PADI2: variants seen among roughly 807,000 people sequenced by gnomAD.
PADI2 encodes peptidyl arginine deiminase 2.
Under a neutral mutation model 81.1 loss-of-function variants are expected in PADI2, and 70 were observed. The observed-to-expected ratio is 0.86, with a 90% confidence interval of 0.71 to 1.05. The LOEUF (loss-of-function observed/expected upper bound fraction) is 1.05, where lower values mean the gene tolerates loss of function less well. PADI2 is among the 50% of genes least tolerant of loss of function. PADI2 has a pLI of 0.00. For missense variants in PADI2, 853 were observed against 889.9 expected (o/e 0.96, Z 0.53); for synonymous variants, 338 against 358.0 (o/e 0.94, Z 0.63).
intron 1 of PADI2, among the ~76,000 whole-genome samples, chr1:17,106,778 A>AGAGGAGGAGGAG (rs3036927): frequency 6.7e-6 from 1 of 149,838 alleles, no homozygotes; most frequent in Non-Finnish European, 1.5e-5. Context: ...GAAAGATGAG[A>AGAGGAGGAGGAG]GAGGAGGAGG....
Position 17,114,587 on chromosome 1 carries a change from C to T in PADI2, c.92+4693G>A, listed in dbSNP as rs1931698158. Among the ~76,000 whole-genome samples, 4 of 151,458 alleles carry T rather than the reference C, an allele frequency of 2.6e-5. No homozygotes were observed. In the South Asian group the frequency reaches 8.3e-4, roughly 31 times the overall value. ...ATGAGCATGCAAAGTGTTGAGAAGC[C>T]TGCACAAAATAAGTGTTCAATAAAT... On this transcript the variant is annotated intron_variant, in intron 1 of 15. Transcript: ENST00000375486.
At chr1:17,099,924 G>A (rs1931080850) in intron 3 of PADI2, among the ~76,000 whole-genome samples, 1 of 152,182 alleles carries the variant, frequency 6.6e-6, no homozygotes, top group Non-Finnish European at 1.5e-5. Flanking sequence ...GCTTACTTCT[G>A]TCTACCCAGA....
chr1:17,074,150 G>C (rs576493416), intron 13 of PADI2, among the ~76,000 whole-genome samples: 133 of 152,232 alleles, frequency 8.7e-4, no homozygotes, highest in African/African-American at 3.1e-3. Flanking sequence ...CCAGCACTTT[G>C]GGAGGCTGAG....
intron 6 of PADI2, among the ~76,000 whole-genome samples, chr1:17,091,013 C>G (rs1182185010): frequency 6.6e-6 from 1 of 151,984 alleles, no homozygotes; most frequent in Non-Finnish European, 1.5e-5. Context: ...ACAACCCTGG[C>G]CTGGATGGTG....
At chr1:17,089,506 C>A (rs1420742294) in intron 6 of PADI2, among the ~76,000 whole-genome samples, 1 of 152,222 alleles carries the variant, frequency 6.6e-6, no homozygotes, top group Non-Finnish European at 1.5e-5. Context: ...GGGGTAGGAA[C>A]AGGGATCTGG....
chr1:17,075,089 G>A, intron 12 of PADI2, 140 bp from the exon 13 acceptor site: 2 of 558,842 alleles, frequency 3.6e-6, no homozygotes, highest in East Asian at 6.2e-5. Context: ...GGCTGACGGG[G>A]AGGGTGTTCT....
intron 11 of PADI2, among the ~76,000 whole-genome samples, chr1:17,076,107 T>C (rs1205024185): frequency 6.6e-6 from 1 of 152,198 alleles, no homozygotes; most frequent in Non-Finnish European, 1.5e-5. Context: ...CTACCTTTTG[T>C]GTGCGGGAGT....
In PADI2 at chr1:17,086,526, C is replaced by T. The variant is rs202113399; in HGVS notation, c.829G>A (p.Ala277Thr). 19 of 1,612,490 alleles carry T rather than the reference C, an allele frequency of 1.2e-5. No individual in the cohort carries two copies. The East Asian group carries it at 3.6e-4, about 30-fold the overall frequency. The change falls in exon 7 of 16, where the codon GCC (alanine) becomes ACC (threonine). Residue 277 changes from alanine (A) to threonine (T), a missense_variant. By Grantham distance (58) the Ala-to-Thr change is moderately conservative. Transcript: ENST00000375486. ...TGGAGGCCTGGAGCCCTCACCTGGG[C>T]CATGTACTCCAGCAGGCTGACATGG... is the stretch of plus-strand genomic sequence containing the variant. ...SIHVSLLEYM[A>T]QDIPLTPIFT...
intron 9 of PADI2, 94 bp from the exon 10 acceptor site, chr1:17,082,746 G>A (rs2235925): frequency 0.36 from 263,983 of 732,616 alleles, 50,039 homozygotes; most frequent in East Asian, 0.57. Flanking sequence ...CACAAAGGAA[G>A]AAGAACGTCT....
chr1:17,089,160 G>A (rs2235924), intron 6 of PADI2, among the ~76,000 whole-genome samples: 49,232 of 151,934 alleles, frequency 0.32, 8,588 homozygotes, highest in East Asian at 0.59. Context: ...GGGAAACCAC[G>A]TCCCACCTCA....
At chr1:17,075,868 C>T (rs915410885) in intron 11 of PADI2, 45 bp from the exon 12 acceptor site, 1 of 1,590,586 alleles carries the variant, frequency 6.3e-7, no homozygotes, top group African/African-American at 1.3e-5. Context: ...ACCCACCGCA[C>T]CAGAGGGCCT....
At chr1:17,103,203 A>G (rs904562004) in intron 2 of PADI2, 144 bp from the exon 3 acceptor site, 11 of 652,076 alleles carry the variant, frequency 1.7e-5, no homozygotes, top group African/African-American at 1.6e-4. Context: ...TCCTCCAGGA[A>G]GAACTCCTGG....
intron 3 of PADI2, among the ~76,000 whole-genome samples, chr1:17,102,750 T>TGG (rs202072575): frequency 1.6e-5 from 1 of 62,270 alleles, no homozygotes; most frequent in African/African-American, 4.8e-5. Flanking sequence ...ACCTTGACAC[T>TGG]TGGGGGGGGG....
intron 1 of PADI2, among the ~76,000 whole-genome samples, chr1:17,108,527 G>A (rs969853494): frequency 6.6e-6 from 1 of 152,036 alleles, no homozygotes; most frequent in Non-Finnish European, 1.5e-5. Context: ...TGAGGGCATG[G>A]TCCGGCCTCT....
chr1:17,076,352 C>T (rs984837170), intron 11 of PADI2, among the ~76,000 whole-genome samples: 1 of 152,078 alleles, frequency 6.6e-6, no homozygotes, highest in Non-Finnish European at 1.5e-5. Context: ...GTAGCTGGGA[C>T]TACAGGCGTG....
chr1:17,093,498 A>G, intron 5 of PADI2, 69 bp downstream of exon 5: 1 of 1,028,318 alleles, frequency 9.7e-7, no homozygotes, highest in South Asian at 1.4e-5. Context: ...CCCTCAGCCC[A>G]GCCCAGGACT....
Position 17,092,415 on chromosome 1 carries a change from G to C in PADI2, c.648C>G (p.Tyr216Ter). 1 of 1,605,516 alleles carries C rather than the reference G, an allele frequency of 6.2e-7. No homozygotes were observed. The highest frequency in any genetic ancestry group is 8.5e-7 in the Non-Finnish European group (1 of 1,176,378). Residue 216 changes from tyrosine to a stop codon, truncating the protein, a stop_gained, in exon 6 of 16, where the codon TAC (tyrosine) becomes TAG (stop). Coordinates refer to ENST00000375486, the MANE Select transcript of PADI2 (RefSeq NM_007365.3). LOFTEE classifies it high-confidence loss of function. ...MSDSDKVGVF[Y>*]VENPFFGQRY... ...TGGGCTGGGATCACTCACTCTCCAC[G>C]TAGAACACGCCCACTTTGTCTGAGT...
intron 9 of PADI2, chr1:17,083,259 T>A (rs2078359848): frequency 6.2e-6 from 1 of 161,584 alleles, no homozygotes; most frequent in Non-Finnish European, 1.3e-5. Context: ...GTGGGAGGAT[T>A]GCTTAAGCCC....
chr1:17,105,569 T>C (rs1276082952), intron 1 of PADI2, among the ~76,000 whole-genome samples: 1 of 152,026 alleles, frequency 6.6e-6, no homozygotes, highest in Admixed American at 6.6e-5. Flanking sequence ...TAATTTTGTG[T>C]TTTTAGTAGA....
Sources: allele counts gnomAD v4.1 joint callset (sites outside exome capture counted in the v4.1 genomes callset), GRCh38; gene constraint gnomAD v4.1.1; transcripts MANE v1.5; gene names NCBI Gene and HGNC (gene_info 2026-07-23, HGNC 2026-07-21).